Variants in PABPC4L observed in about 807,000 individuals in gnomAD.
The protein encoded by PABPC4L is polyadenylate-binding protein 4-like.
For synonymous variants in PABPC4L, 169 were observed against 164.1 expected (o/e 1.03, Z -0.23); for missense variants, 452 against 451.4 (o/e 1.00, Z -0.01).
the PABPC4L span, among the ~76,000 whole-genome samples, chr4:133,959,648 G>T: frequency 2.0e-5 from 3 of 152,162 alleles, no homozygotes; most frequent in African/African-American, 7.2e-5. Context: ...TGTTATAAGC[G>T]CAATGAAGAG....
the PABPC4L span, among the ~76,000 whole-genome samples, chr4:134,107,291 C>T: frequency 6.6e-6 from 1 of 151,212 alleles, no homozygotes; most frequent in Non-Finnish European, 1.5e-5. Flanking sequence ...AGGATACTTC[C>T]AAGCCTAGAA....
At chr4:134,187,976 T>C in the PABPC4L span, among the ~76,000 whole-genome samples, 1 of 152,250 alleles carries the variant, frequency 6.6e-6, no homozygotes, top group South Asian at 2.1e-4. Context: ...TTAGTGCTTA[T>C]GATTTCCCTC....
the PABPC4L span, among the ~76,000 whole-genome samples, chr4:134,075,003 C>G: frequency 1.3e-5 from 2 of 152,050 alleles, no homozygotes; most frequent in African/African-American, 2.4e-5. Context: ...TAATCATGGT[C>G]AGTTAATCTC....
chr4:134,093,669 G>A, the PABPC4L span, among the ~76,000 whole-genome samples: 1 of 150,672 alleles, frequency 6.6e-6, no homozygotes, highest in South Asian at 2.1e-4. Flanking sequence ...CACCATCAGG[G>A]TCAGAGGAAA....
the PABPC4L span, among the ~76,000 whole-genome samples, chr4:134,053,091 GAAATCCTAGTTGC>G: frequency 6.6e-6 from 1 of 151,976 alleles, no homozygotes; most frequent in African/African-American, 2.4e-5. Flanking sequence ...TAGTTGCCTT[GAAATCCTAGTTGC>G]AAATTAGAGC....
At chr4:134,075,404 A>G in the PABPC4L span, among the ~76,000 whole-genome samples, 1 of 152,208 alleles carries the variant, frequency 6.6e-6, no homozygotes, top group Admixed American at 6.5e-5. Context: ...CAATATCTTC[A>G]TTGAGTAAAT....
chr4:134,187,659 TTTA>T, the PABPC4L span, among the ~76,000 whole-genome samples: 1 of 152,048 alleles, frequency 6.6e-6, no homozygotes, highest in African/African-American at 2.4e-5. Flanking sequence ...AATTGACTCC[TTTA>T]TTATTATGTA....
At chr4:134,090,531 G>T in the PABPC4L span, among the ~76,000 whole-genome samples, 152 of 152,134 alleles carry the variant, frequency 1.0e-3, 1 homozygote, top group African/African-American at 3.5e-3. Flanking sequence ...AACTCAGAAA[G>T]CTGCGATAGG....
At chr4:133,990,424 A>T in the PABPC4L span, among the ~76,000 whole-genome samples, 1 of 152,150 alleles carries the variant, frequency 6.6e-6, no homozygotes, top group African/African-American at 2.4e-5. Context: ...GACAAATATT[A>T]TGTGTGTTCT....
At chr4:134,047,039 A>G in the PABPC4L span, among the ~76,000 whole-genome samples, 5 of 152,212 alleles carry the variant, frequency 3.3e-5, no homozygotes. Context: ...ACAGAATTAA[A>G]GGCAGAGTCT....
chr4:133,951,959 A>C, the PABPC4L span, among the ~76,000 whole-genome samples: 1 of 152,120 alleles, frequency 6.6e-6, no homozygotes, highest in Non-Finnish European at 1.5e-5. Context: ...TTCTGAGTTT[A>C]TTCTCCACTT....
the PABPC4L span, among the ~76,000 whole-genome samples, chr4:134,170,244 T>C: frequency 1.3e-5 from 2 of 152,180 alleles, no homozygotes; most frequent in Non-Finnish European, 2.9e-5. Context: ...CTCATTATTT[T>C]TTACAGCTGT....
the PABPC4L span, among the ~76,000 whole-genome samples, chr4:134,172,078 T>A: frequency 2.4e-4 from 36 of 152,162 alleles, no homozygotes; most frequent in East Asian, 7.0e-3. Flanking sequence ...AATATTGTTA[T>A]AATGGCCATA....
At chr4:134,039,970 C>G in the PABPC4L span, among the ~76,000 whole-genome samples, 1 of 151,724 alleles carries the variant, frequency 6.6e-6, no homozygotes, top group African/African-American at 2.4e-5. Flanking sequence ...TTCACAATTG[C>G]TACAAAAAAA....
At chr4:134,058,780 A>T in the PABPC4L span, among the ~76,000 whole-genome samples, 1 of 152,094 alleles carries the variant, frequency 6.6e-6, no homozygotes, top group East Asian at 1.9e-4. Context: ...GCTTCACAAA[A>T]TTCCAGTTCA....
the PABPC4L span, among the ~76,000 whole-genome samples, chr4:133,987,281 G>A: frequency 6.6e-6 from 1 of 152,118 alleles, no homozygotes; most frequent in Admixed American, 6.6e-5. Flanking sequence ...CAGGTGATAA[G>A]CTGCAAGGCT....
At chr4:134,182,875 T>G in the PABPC4L span, among the ~76,000 whole-genome samples, 1 of 152,076 alleles carries the variant, frequency 6.6e-6, no homozygotes, top group East Asian at 1.9e-4. Flanking sequence ...TCACTAATCT[T>G]TAGGGAAATT....
chr4:134,135,405 G>A, the PABPC4L span, among the ~76,000 whole-genome samples: 1 of 152,156 alleles, frequency 6.6e-6, no homozygotes, highest in East Asian at 1.9e-4. Flanking sequence ...CCTGTCAAAT[G>A]TTTATCAAAT....
the PABPC4L span, among the ~76,000 whole-genome samples, chr4:134,051,410 A>G: frequency 2.0e-5 from 3 of 152,164 alleles, no homozygotes; most frequent in Non-Finnish European, 4.4e-5. Context: ...AAATGGTAGT[A>G]ATGCTTAGAT....
Sources: gnomAD v4.1 joint callset for allele counts (sites outside exome capture counted in the v4.1 genomes callset) on GRCh38, gnomAD v4.1.1 for gene constraint, MANE v1.5 for transcripts, NCBI Gene and HGNC (gene_info 2026-07-23, HGNC 2026-07-21) for gene names.